The following CALR3 variants were observed in gnomAD, a reference collection of about 807,000 sequenced individuals.
CALR3 encodes the protein calreticulin-3.
In CALR3, 39 loss-of-function variants were observed where a neutral mutation model predicts 48.7. That is an observed-to-expected ratio of 0.80 (90% CI 0.62 to 1.05). CALR3 has a LOEUF of 1.05. CALR3 is among the 50% of genes least tolerant of loss of function. The probability of loss-of-function intolerance (pLI) is 0.00; values close to 1 mark genes in which losing one functional copy is unlikely to be tolerated. For synonymous variants in CALR3, 185 were observed against 172.7 expected (o/e 1.07, Z -0.56); for missense variants, 449 against 474.7 (o/e 0.95, Z 0.50).
At chr19:16,484,576 G>A (rs1045107119) in intron 4 of CALR3, among the ~76,000 whole-genome samples, 22 of 152,116 alleles carry the variant, frequency 1.4e-4, no homozygotes, top group African/African-American at 4.3e-4. Context: ...GGAGTGCAGT[G>A]GTGCAATCAG....
Position 16,490,555 on chromosome 19 carries a change from T to A in CALR3, c.209A>T (p.Gln70Leu). The A allele has an allele frequency of 6.2e-7, 1 of 1,614,146 alleles. No homozygotes were observed. Among genetic ancestry groups the A allele is most frequent in the Non-Finnish European group, 8.5e-7 (1 of 1,180,016 alleles). Residue 70 changes from glutamine (Q) to leucine (L), a missense_variant, in exon 3 of 9, where the codon CAG (glutamine) becomes CTG (leucine). Transcript: ENST00000269881. Reference protein sequence around the residue: ...KEKDKGLQTTQNGRFYAISAR... With the variant: ...KEKDKGLQTTLNGRFYAISAR... ...AGAGATGGCATAGAATCGGCCATTC[T>A]GAGTGGTTTGCAGACCTTTGAACAA... is the stretch of plus-strand genomic sequence containing the variant.
chr19:16,488,824 A>C (rs1355709458), intron 3 of CALR3, among the ~76,000 whole-genome samples: 5 of 152,190 alleles, frequency 3.3e-5, no homozygotes, highest in African/African-American at 1.2e-4. Context: ...CCCTGTTGTC[A>C]GGAGACATTT....
In CALR3 at chr19:16,492,665, A is replaced by G. The variant is rs530657435; in HGVS notation, c.194-2095T>C. On this transcript the variant is annotated intron_variant, in intron 2 of 8. Coordinates refer to ENST00000269881, the MANE Select transcript of CALR3 (RefSeq NM_145046.5). ...AGGATCACGAGGTCAGGAGATCGAG[A>G]TCATCCTGGCTAACACGTGAAACCC... Among the ~76,000 whole-genome samples the G allele has an allele frequency of 7.2e-5, 11 of 151,984 alleles. No homozygotes were observed. In the South Asian group the frequency reaches 2.3e-3, roughly 32 times the overall value.
At chr19:16,495,665 AG>A (rs2093406618) in intron 2 of CALR3, 85 bp downstream of exon 2, 2 of 997,988 alleles carry the variant, frequency 2.0e-6, no homozygotes, top group African/African-American at 3.2e-5. Flanking sequence ...CGGGAATAAA[AG>A]CGTTTTGGCT....
Position 16,479,151 on chromosome 19 carries a change from G to T in CALR3, c.1135C>A (p.His379Asn). 3.7e-6 allele frequency: 6 copies of T among 1,614,118 alleles called. No individual in the cohort carries two copies. The highest frequency in any genetic ancestry group is 5.1e-6 in the Non-Finnish European group (6 of 1,180,008). ...NRHEHYFNQFHRRNEL is the reference protein window; with the variant it reads ...NRHEHYFNQFNRRNEL ...GATCACTAAAGTTCATTCCTTCTGTGAAATTGATTGAAGTAATGTTCGTGC... is the reference window on the plus strand; with the variant it reads ...GATCACTAAAGTTCATTCCTTCTGTTAAATTGATTGAAGTAATGTTCGTGC... The change falls in exon 9 of 9, where the codon CAC becomes AAC. Residue 379 changes from histidine to asparagine, a missense_variant. His to Asn is a moderately conservative substitution (Grantham distance 68). Coordinates refer to ENST00000269881, the MANE Select transcript of CALR3 (RefSeq NM_145046.5).
chr19:16,490,491 CAG>C lies in CALR3; in HGVS notation c.271_272del (p.Leu91GlyfsTer9). 4 of 1,614,098 alleles carry C rather than the reference CAG, an allele frequency of 2.5e-6. No homozygotes were observed. The highest frequency in any genetic ancestry group is 3.4e-6 in the Non-Finnish European group (4 of 1,180,024). ...CATGTTTTACTGTGTACTGAATAACCAGAGTTTTCCCTTTATTGCTGAACGGT... is the reference window on the plus strand; with the variant it reads ...CATGTTTTACTGTGTACTGAATAACCAGTTTTCCCTTTATTGCTGAACGGT... Reference protein sequence around the residue: ...FKPFSNKGKTLVIQYTVKHEQ... With the variant: ...FKPFSNKGKTXVIQYTVKHEQ... On this transcript the variant is annotated frameshift_variant, in exon 3 of 9. Coordinates refer to ENST00000269881, the MANE Select transcript of CALR3 (RefSeq NM_145046.5). LOFTEE classifies it high-confidence loss of function.
At chr19:16,485,403 T>G in intron 3 of CALR3, 146 bp from the exon 4 acceptor site, 3 of 631,286 alleles carry the variant, frequency 4.8e-6, no homozygotes, top group Non-Finnish European at 5.7e-6. Context: ...CACGGAAACT[T>G]CTGCCTCTTG....
intron 3 of CALR3, among the ~76,000 whole-genome samples, chr19:16,489,300 C>T (rs1025977457): frequency 2.0e-5 from 3 of 151,986 alleles, no homozygotes; most frequent in Non-Finnish European, 4.4e-5. Context: ...GCCAGGAGTT[C>T]GAGACCAGCC....
intron 5 of CALR3, 169 bp downstream of exon 5, chr19:16,483,761 C>T (rs913477994): frequency 1.5e-4 from 92 of 628,724 alleles, no homozygotes; most frequent in Middle Eastern, 4.2e-4. Context: ...TTTTACGATA[C>T]CTTCAGATGT....
intron 2 of CALR3, among the ~76,000 whole-genome samples, chr19:16,493,871 A>T (rs1421649794): frequency 6.6e-6 from 1 of 150,632 alleles, no homozygotes; most frequent in African/African-American, 2.4e-5. Flanking sequence ...GAGATTATAG[A>T]TGTGTGCCAC....
intron 7 of CALR3, among the ~76,000 whole-genome samples, chr19:16,482,051 C>A (rs984370849): frequency 1.3e-5 from 2 of 151,552 alleles, no homozygotes; most frequent in Non-Finnish European, 2.9e-5. Flanking sequence ...GGACTACAGG[C>A]GCCCGCCACC....
Position 16,482,698 on chromosome 19 carries a change from G to A in CALR3, c.766C>T (p.Leu256Phe), listed in dbSNP as rs1183484360. The A allele has an allele frequency of 1.9e-6, 3 of 1,613,994 alleles. No individual in the cohort carries two copies. Among genetic ancestry groups the A allele is most frequent in the Non-Finnish European group, 2.5e-6 (3 of 1,180,006 alleles). ...CACACCTGGTACGGGGGCTTCTGGA[G>A]CATCGGCGCTGGCCAGTCCCCATCC... ...DLDGDWPAPMLQKPPYQDGLK... is the reference protein window; with the variant it reads ...DLDGDWPAPMFQKPPYQDGLK... Residue 256 changes from leucine to phenylalanine, a missense_variant, in exon 6 of 9, where the codon CTC becomes TTC. Transcript: ENST00000269881.
At chr19:16,495,685 A>G (rs2122153645) in intron 2 of CALR3, 66 bp downstream of exon 2, 1 of 1,277,554 alleles carries the variant, frequency 7.8e-7, no homozygotes, top group South Asian at 1.2e-5. Flanking sequence ...CTGTGCCACA[A>G]CTACCTAGAG....
intron 3 of CALR3, among the ~76,000 whole-genome samples, chr19:16,486,801 C>G (rs575143335): frequency 1.3e-5 from 2 of 152,222 alleles, no homozygotes; most frequent in East Asian, 1.9e-4. Context: ...CCCTCACCCT[C>G]AGCAAGCTCC....
At chr19:16,490,714 C>G in intron 2 of CALR3, 144 bp from the exon 3 acceptor site, 1 of 780,362 alleles carries the variant, frequency 1.3e-6, no homozygotes, top group Non-Finnish European at 2.2e-6. Context: ...GAGCATTATA[C>G]AATAATGCAT....
intron 6 of CALR3, 46 bp from the exon 7 acceptor site, chr19:16,482,627 C>T (rs371703371): frequency 2.7e-5 from 44 of 1,613,930 alleles, no homozygotes; most frequent in South Asian, 2.1e-4. Flanking sequence ...ACATGGGCAG[C>T]GGAGGGGCAG....
intron 2 of CALR3, among the ~76,000 whole-genome samples, chr19:16,494,653 G>A (rs554303737): frequency 2.8e-4 from 43 of 152,210 alleles, no homozygotes; most frequent in South Asian, 1.9e-3. Context: ...GAGCCACCGC[G>A]CCTGGCCTAT....
At chr19:16,495,966 C>A in intron 1 of CALR3, 73 bp downstream of exon 1, 1 of 1,562,506 alleles carries the variant, frequency 6.4e-7, no homozygotes, top group Non-Finnish European at 8.7e-7. Flanking sequence ...GACCCCGTGG[C>A]GACTCTGGCC....
At chr19:16,495,227 C>CAAAAAAA in intron 2 of CALR3, among the ~76,000 whole-genome samples, 1 of 123,124 alleles carries the variant, frequency 8.1e-6, no homozygotes, top group Non-Finnish European at 1.6e-5. Flanking sequence ...CTCCTACTAC[C>CAAAAAAA]AAAAAAAAAA....
Sources: gnomAD v4.1 joint callset for allele counts (sites outside exome capture counted in the v4.1 genomes callset) on GRCh38, gnomAD v4.1.1 for gene constraint, MANE v1.5 for transcripts, NCBI Gene and HGNC (gene_info 2026-07-23, HGNC 2026-07-21) for gene names.